The following SORCS1 variants were observed in gnomAD, a reference collection of about 807,000 sequenced individuals.
The protein encoded by SORCS1 is VPS10 domain-containing receptor SorCS1.
A neutral mutation model predicts 146.1 loss-of-function variants in SORCS1; 60 were observed. The observed-to-expected ratio is 0.41, with a 90% CI of 0.33 to 0.51. SORCS1 has a LOEUF of 0.51. Among genes scored for constraint, SORCS1 ranks in the 20% least tolerant of loss-of-function variants. The pLI is 0.21. For synonymous variants in SORCS1, 637 were observed against 584.0 expected, an observed-to-expected ratio of 1.09 and a Z score of -1.31; for missense variants, 1,352 against 1,487.6, an observed-to-expected ratio of 0.91 and a Z score of 1.50.
chr10:106,994,684 C>T (rs1005287157), intron 1 of SORCS1, among the ~76,000 whole-genome samples: 4 of 152,274 alleles, frequency 2.6e-5, no homozygotes, highest in East Asian at 3.9e-4. Context: ...TGCTGGCAAA[C>T]GTGCTATTTA....
the SORCS1 span, among the ~76,000 whole-genome samples, chr10:107,170,607 C>T: frequency 6.6e-6 from 1 of 152,202 alleles, no homozygotes; most frequent in East Asian, 1.9e-4. Flanking sequence ...CACTGAAAAA[C>T]AAGGTCTTTG....
intron 23 of SORCS1, among the ~76,000 whole-genome samples, chr10:106,604,943 AAT>A (rs1480217194): frequency 3.9e-5 from 6 of 152,242 alleles, no homozygotes; most frequent in African/African-American, 1.2e-4. Flanking sequence ...ACTTTGGCTC[AAT>A]TATTCAACTT....
intron 17 of SORCS1, among the ~76,000 whole-genome samples, chr10:106,658,604 T>C (rs1850483771): frequency 6.6e-6 from 1 of 152,166 alleles, no homozygotes; most frequent in Admixed American, 6.5e-5. Flanking sequence ...GAAGGAAGCC[T>C]TGGGGATGGA....
chr10:107,062,462 A>C (rs1961315106), intron 1 of SORCS1, among the ~76,000 whole-genome samples: 1 of 152,074 alleles, frequency 6.6e-6, no homozygotes. Context: ...AATTATAATT[A>C]AGGCACCTTT....
intron 6 of SORCS1, among the ~76,000 whole-genome samples, chr10:106,712,487 T>C (rs1173802860): frequency 6.6e-6 from 1 of 152,222 alleles, no homozygotes; most frequent in Admixed American, 6.5e-5. Flanking sequence ...AGGATCAATT[T>C]CTGTGTTTAT....
intron 1 of SORCS1, among the ~76,000 whole-genome samples, chr10:107,023,905 TAAA>T (rs1253939048): frequency 6.6e-6 from 1 of 151,620 alleles, no homozygotes; most frequent in Non-Finnish European, 1.5e-5. Flanking sequence ...AGAAAAGAAA[TAAA>T]AAAGAAAACC....
intron 4 of SORCS1, among the ~76,000 whole-genome samples, chr10:106,769,791 A>G (rs1457517928): frequency 2.0e-5 from 3 of 152,162 alleles, no homozygotes; most frequent in Non-Finnish European, 4.4e-5. Flanking sequence ...AGAGAATGCC[A>G]GCTGTTAATA....
chr10:107,119,000 A>C (rs1226083617), intron 1 of SORCS1, among the ~76,000 whole-genome samples: 1 of 152,218 alleles, frequency 6.6e-6, no homozygotes, highest in Admixed American at 6.5e-5. Context: ...GAGAACTCCC[A>C]CATGACTCAC....
intron 4 of SORCS1, among the ~76,000 whole-genome samples, chr10:106,764,824 C>T (rs1257660607): frequency 6.6e-6 from 1 of 151,872 alleles, no homozygotes; most frequent in Non-Finnish European, 1.5e-5. Flanking sequence ...GAGATTGAGA[C>T]CATCCTGGCT....
In SORCS1 at chr10:106,658,976, C is replaced by T. The variant is rs140668702; in HGVS notation, c.2304-6423G>A. Among the ~76,000 whole-genome samples the T allele has an allele frequency of 1.8e-3, 267 of 152,230 alleles. 1 individual carries two copies. The highest frequency in any genetic ancestry group is 5.9e-3 in the African/African-American group (245 of 41,554). On this transcript the variant is annotated intron_variant, in intron 17 of 25. Coordinates refer to ENST00000263054, the MANE Select transcript of SORCS1 (RefSeq NM_052918.5). ...GGTGGCTGTATATTAACCATTGTGACTCTTCATCAATAGACACAGGCAGCC... is the reference window on the plus strand; with the variant it reads ...GGTGGCTGTATATTAACCATTGTGATTCTTCATCAATAGACACAGGCAGCC...
At chr10:107,031,172 T>C (rs1037271181) in intron 1 of SORCS1, among the ~76,000 whole-genome samples, 2 of 152,232 alleles carry the variant, frequency 1.3e-5, no homozygotes, top group African/African-American at 4.8e-5. Context: ...TTTGAAAATA[T>C]TGATAGAACA....
Position 106,781,247 on chromosome 10 carries a change from G to C in SORCS1, c.727-4555C>G, listed in dbSNP as rs190185556. Among the ~76,000 whole-genome samples, 354 of 152,172 alleles carry C rather than the reference G, an allele frequency of 2.3e-3. 4 individuals carry two copies. Among genetic ancestry groups the C allele is most frequent in the African/African-American group, 8.1e-3 (338 of 41,512 alleles). ...ACCATTTATTGGTTTATGTGGCGTGGAGTTAATAAAAAGTTCTTCACCACC... is the reference window on the plus strand; with the variant it reads ...ACCATTTATTGGTTTATGTGGCGTGCAGTTAATAAAAAGTTCTTCACCACC... On this transcript the variant is annotated intron_variant, in intron 3 of 25. Transcript: ENST00000263054.
At chr10:106,772,468 C>A (rs1860097367) in intron 4 of SORCS1, among the ~76,000 whole-genome samples, 1 of 151,470 alleles carries the variant, frequency 6.6e-6, no homozygotes, top group South Asian at 2.1e-4. Context: ...ATCAATCAAT[C>A]AATCTCTCTC....
At chr10:106,820,521 T>G (rs1947970768) in intron 3 of SORCS1, among the ~76,000 whole-genome samples, 1 of 152,186 alleles carries the variant, frequency 6.6e-6, no homozygotes. Context: ...TGGAAACAAT[T>G]TAGCCCCTGA....
intron 5 of SORCS1, among the ~76,000 whole-genome samples, chr10:106,741,680 G>A (rs1724175878): frequency 6.6e-6 from 1 of 152,058 alleles, no homozygotes; most frequent in African/African-American, 2.4e-5. Context: ...TCAACATCCT[G>A]CAAGCGTTAA....
At chr10:106,763,989 C>G (rs564093006) in intron 4 of SORCS1, among the ~76,000 whole-genome samples, 1 of 152,186 alleles carries the variant, frequency 6.6e-6, no homozygotes, top group Non-Finnish European at 1.5e-5. Flanking sequence ...TTTTGTACCA[C>G]GTGAATTTCC....
chr10:106,922,407 A>C (rs1215629388), intron 2 of SORCS1, among the ~76,000 whole-genome samples: 1 of 152,196 alleles, frequency 6.6e-6, no homozygotes, highest in Non-Finnish European at 1.5e-5. Flanking sequence ...GGCTTCCAAC[A>C]ATAAACAAAC....
At chr10:106,737,822 G>A (rs535771043) in intron 5 of SORCS1, among the ~76,000 whole-genome samples, 102 of 152,230 alleles carry the variant, frequency 6.7e-4, no homozygotes, top group Non-Finnish European at 1.3e-3. Flanking sequence ...ACAGAGAAAT[G>A]CACTTCAACT....
intron 3 of SORCS1, among the ~76,000 whole-genome samples, chr10:106,797,048 A>G (rs1260737533): frequency 6.6e-6 from 1 of 152,196 alleles, no homozygotes; most frequent in Non-Finnish European, 1.5e-5. Flanking sequence ...CGGAGGTTGC[A>G]GTAAGCCGGG....
Sources: allele counts gnomAD v4.1 joint callset (sites outside exome capture counted in the v4.1 genomes callset), GRCh38; gene constraint gnomAD v4.1.1; transcripts MANE v1.5; gene names NCBI Gene and HGNC (gene_info 2026-07-23, HGNC 2026-07-21).